Variants in FREM1 observed in about 807,000 individuals in gnomAD.
FREM1 encodes FRAS1-related extracellular matrix protein 1.
FREM1 carries 220 observed loss-of-function variants against 210.1 expected under a neutral mutation model. That is an observed-to-expected ratio of 1.05 (90% CI 0.94 to 1.17). The LOEUF is 1.17. Ranked by LOEUF, FREM1 falls within the 50% of genes most tolerant of loss-of-function variation. The probability of loss-of-function intolerance (pLI) is 0.00; values close to 1 mark genes in which losing one functional copy is unlikely to be tolerated. For missense variants in FREM1, 3,454 were observed against 2,675.5 expected (o/e 1.29, Z -6.42); for synonymous variants, 1,189 against 980.2 (o/e 1.21, Z -3.98).
chr9:14,891,032 G>T (rs768801129), intron 1 of FREM1, among the ~76,000 whole-genome samples: 2 of 152,082 alleles, frequency 1.3e-5, no homozygotes, highest in Non-Finnish European at 2.9e-5. Flanking sequence ...CTTCATCAGG[G>T]ACCTACCGTG....
chr9:14,861,754 A>G (rs10810272), intron 3 of FREM1, among the ~76,000 whole-genome samples: 83,955 of 151,858 alleles, frequency 0.55, 26,141 homozygotes, highest in African/African-American at 0.85. Context: ...TGATCTGCCC[A>G]CCTTAGCCTC....
At chr9:14,777,858 G>T (rs556771377) in intron 24 of FREM1, among the ~76,000 whole-genome samples, 2 of 152,180 alleles carry the variant, frequency 1.3e-5, no homozygotes, top group Non-Finnish European at 2.9e-5. Context: ...CTCAGGGAGG[G>T]CAGTTAGACA....
chr9:14,748,012 C>T (rs1842764713), intron 31 of FREM1, among the ~76,000 whole-genome samples: 5 of 152,148 alleles, frequency 3.3e-5, no homozygotes, highest in Admixed American at 1.3e-4. Context: ...CACACACACA[C>T]ACGCGTGTGC....
chr9:14,799,491 T>G (rs1354268167), intron 20 of FREM1, among the ~76,000 whole-genome samples: 8 of 152,160 alleles, frequency 5.3e-5, no homozygotes, highest in Non-Finnish European at 7.3e-5. Flanking sequence ...CTAATTTTTA[T>G]GTAGGAAATT....
chr9:14,812,840 G>T lies in FREM1; in HGVS notation c.2865C>A (p.Ile955=). ...TVDQFSQRDV[I]SEAVTYKHTG... ...TGTGTTTGTATGTCACGGCCTCTGA[G>T]ATAACATCTCTCTGAGAGAACTGAT... Residue 955 remains isoleucine (I), a synonymous_variant, in exon 16 of 37, where the codon ATC becomes ATA. Transcript: ENST00000380880. 3.7e-6 allele frequency: 6 copies of T among 1,613,026 alleles called. No individual in the cohort carries two copies. Among genetic ancestry groups the T allele is most frequent in the Non-Finnish European group, 5.1e-6 (6 of 1,179,288 alleles).
chr9:14,876,632 A>G (rs7867927), intron 1 of FREM1, among the ~76,000 whole-genome samples: 77,681 of 151,904 alleles, frequency 0.51, 21,534 homozygotes, highest in African/African-American at 0.73. Flanking sequence ...TGCGCTTCCC[A>G]AGTGAGGCAA....
At position 14,842,589 on chromosome 9, in the gene FREM1, C is replaced by T. The variant is rs376475481; in HGVS notation, c.1465G>A (p.Asp489Asn). ...AAGACCACGAAGTCTTTGGTGGAGT[C>T]GCTGTCATCATGATGATAGCGAACA... Reference protein sequence around the residue: ...GVVRYHHDDSDSTKDFVVFRI... With the variant: ...GVVRYHHDDSNSTKDFVVFRI... The change falls in exon 9 of 37, where the codon GAC becomes AAC. Residue 489 changes from aspartate (D) to asparagine (N), a missense_variant. Asp to Asn is a conservative substitution (Grantham distance 23, BLOSUM62 1). Transcript: ENST00000380880. 53 of 1,613,836 alleles carry T rather than the reference C, an allele frequency of 3.3e-5. No individual in the cohort carries two copies. Among genetic ancestry groups the T allele is most frequent in the Admixed American group, 8.3e-5 (5 of 60,004 alleles).
At chr9:14,743,851 G>T (rs537633946) in intron 35 of FREM1, among the ~76,000 whole-genome samples, 65 of 152,042 alleles carry the variant, frequency 4.3e-4, no homozygotes, top group African/African-American at 3.4e-4. Context: ...GATAGCTTTT[G>T]ATCAACATCA....
chr9:14,822,248 G>C (rs943593883), intron 13 of FREM1, among the ~76,000 whole-genome samples: 1 of 152,068 alleles, frequency 6.6e-6, no homozygotes, highest in Non-Finnish European at 1.5e-5. Flanking sequence ...GTCTTTATTA[G>C]CAGCGTGAGA....
At chr9:14,766,873 T>A (rs1346294222) in intron 27 of FREM1, among the ~76,000 whole-genome samples, 1 of 152,202 alleles carries the variant, frequency 6.6e-6, no homozygotes, top group Non-Finnish European at 1.5e-5. Flanking sequence ...TTGTGATTCA[T>A]CCCAGGATCA....
chr9:14,845,931 T>G (rs758178379), intron 8 of FREM1, 29 bp downstream of exon 8: 1 of 1,611,748 alleles, frequency 6.2e-7, no homozygotes, highest in Non-Finnish European at 8.5e-7. Flanking sequence ...TTTGGATTCT[T>G]TGCTAGGTTA....
intron 16 of FREM1, among the ~76,000 whole-genome samples, chr9:14,810,459 A>T (rs1819195437): frequency 1.3e-5 from 2 of 152,126 alleles, no homozygotes; most frequent in Non-Finnish European, 2.9e-5. Flanking sequence ...TATTAAAAAA[A>T]AATTTGAGGG....
intron 27 of FREM1, among the ~76,000 whole-genome samples, chr9:14,763,609 T>C (rs930246918): frequency 5.3e-5 from 8 of 152,214 alleles, no homozygotes; most frequent in Non-Finnish European, 1.2e-4. Context: ...GGATTTGAAC[T>C]TGTGAGGCTT....
chr9:14,840,523 C>G (rs1397075215), intron 10 of FREM1, among the ~76,000 whole-genome samples: 1 of 152,166 alleles, frequency 6.6e-6, no homozygotes, highest in Non-Finnish European at 1.5e-5. Context: ...CAGGGGACCA[C>G]CCGTTTTTAA....
At chr9:14,813,960 G>C (rs189423475) in intron 15 of FREM1, among the ~76,000 whole-genome samples, 1 of 152,256 alleles carries the variant, frequency 6.6e-6, no homozygotes, top group East Asian at 1.9e-4. Flanking sequence ...GATTCTGCTA[G>C]TATTTCTCTG....
At chr9:14,777,397 G>A (rs7046483) in intron 24 of FREM1, among the ~76,000 whole-genome samples, 98,867 of 151,956 alleles carry the variant, frequency 0.65, 32,317 homozygotes, top group African/African-American at 0.72. Context: ...TTAGGAAATC[G>A]TTACTATCCA....
chr9:14,765,404 T>G (rs777800178), intron 27 of FREM1, among the ~76,000 whole-genome samples: 28 of 152,234 alleles, frequency 1.8e-4, no homozygotes, highest in East Asian at 1.9e-4. Context: ...TCAGTCTCTC[T>G]GGGCCTCGGT....
chr9:14,875,991 A>T (rs1306949998), intron 1 of FREM1, among the ~76,000 whole-genome samples: 1 of 152,048 alleles, frequency 6.6e-6, no homozygotes, highest in African/African-American at 2.4e-5. Flanking sequence ...AGAACAGCGG[A>T]TTTTCGTGAA....
At chr9:14,811,766 T>A (rs906883184) in intron 16 of FREM1, among the ~76,000 whole-genome samples, 1 of 152,094 alleles carries the variant, frequency 6.6e-6, no homozygotes, top group Admixed American at 6.6e-5. Context: ...TCTCCATCCC[T>A]CCTCCTTGAA....
Sources: allele counts gnomAD v4.1 joint callset (sites outside exome capture counted in the v4.1 genomes callset), GRCh38; gene constraint gnomAD v4.1.1; transcripts MANE v1.5; gene names NCBI Gene and HGNC (gene_info 2026-07-23, HGNC 2026-07-21).